The following CDYL2 variants were observed in gnomAD, a reference collection of about 807,000 sequenced individuals.
The protein encoded by CDYL2 is chromodomain Y like 2.
In CDYL2, 23 loss-of-function variants were observed where a neutral mutation model predicts 49.4. That is an observed-to-expected ratio of 0.47 (90% CI 0.34 to 0.66). The LOEUF (loss-of-function observed/expected upper bound fraction) is 0.66. Ranked by LOEUF, CDYL2 falls within the 30% of genes least tolerant of loss-of-function variation. The pLI is 0.01. For synonymous variants in CDYL2, 360 were observed against 268.8 expected (o/e 1.34, Z -3.32); for missense variants, 678 against 656.4 (o/e 1.03, Z -0.36).
chr16:80,600,229 G>C lies in CDYL2; in HGVS notation c.*4159C>G, dbSNP rs1478414404. The C allele has an allele frequency of 2.9e-5, 4 of 138,858 alleles. No individual in the cohort carries two copies. The highest frequency in any genetic ancestry group is 6.1e-5 in the Non-Finnish European group (4 of 65,818). The allele number at this position is 138,858 out of a possible 1,614,324, so 8.6% of individuals were successfully genotyped here. A position where few individuals can be genotyped will look rare whatever the true frequency, so the allele number is the denominator to read the frequency against. ...ATTAACCTGCTCTCCAACAATATAA[G>C]AGCATTATATTCTAATGAAAAAATT... On this transcript the variant is annotated 3_prime_UTR_variant, in exon 7 of 7. Transcript: ENST00000570137.
chr16:80,636,951 G>A (rs903144264), intron 2 of CDYL2, among the ~76,000 whole-genome samples: 2 of 152,176 alleles, frequency 1.3e-5, no homozygotes, highest in Non-Finnish European at 2.9e-5. Flanking sequence ...ATGAACACAT[G>A]AGCAGAACGC....
chr16:80,720,158 T>A (rs1224232955), intron 1 of CDYL2, among the ~76,000 whole-genome samples: 1 of 152,010 alleles, frequency 6.6e-6, no homozygotes, highest in African/African-American at 2.4e-5. Flanking sequence ...AACTACACAA[T>A]ATCCACACAG....
chr16:80,639,338 C>T (rs1021025737), intron 2 of CDYL2, among the ~76,000 whole-genome samples: 1 of 152,166 alleles, frequency 6.6e-6, no homozygotes, highest in Non-Finnish European at 1.5e-5. Context: ...AACCAGCAAC[C>T]ACCATTCCTA....
At chr16:80,722,419 G>A (rs956903015) in intron 1 of CDYL2, among the ~76,000 whole-genome samples, 4 of 152,122 alleles carry the variant, frequency 2.6e-5, no homozygotes, top group Non-Finnish European at 4.4e-5. Context: ...TGAGTCCTGA[G>A]AATTTACCCA....
chr16:80,694,962 A>T (rs936576322), intron 1 of CDYL2, among the ~76,000 whole-genome samples: 1 of 152,258 alleles, frequency 6.6e-6, no homozygotes, highest in African/African-American at 2.4e-5. Flanking sequence ...TGAGTAACAG[A>T]ACAAAATTAA....
chr16:80,631,091 G>C (rs1431937954), intron 3 of CDYL2, among the ~76,000 whole-genome samples: 2 of 152,202 alleles, frequency 1.3e-5, no homozygotes, highest in Non-Finnish European at 2.9e-5. Flanking sequence ...ATGAACAGAA[G>C]AGACAAAAGG....
At chr16:80,677,380 T>C (rs760839158) in intron 2 of CDYL2, among the ~76,000 whole-genome samples, 2 of 152,176 alleles carry the variant, frequency 1.3e-5, no homozygotes, top group Non-Finnish European at 2.9e-5. Flanking sequence ...GGTTTTCAGA[T>C]TGAGTGGCAT....
At chr16:80,707,816 G>A (rs145118024) in intron 1 of CDYL2, among the ~76,000 whole-genome samples, 1 of 152,176 alleles carries the variant, frequency 6.6e-6, no homozygotes, top group South Asian at 2.1e-4. Flanking sequence ...TCAAGGGTTG[G>A]TGCTTCAAGT....
At chr16:80,619,529 G>A (rs993492223) in intron 4 of CDYL2, among the ~76,000 whole-genome samples, 1 of 152,188 alleles carries the variant, frequency 6.6e-6, no homozygotes, top group Admixed American at 6.5e-5. Context: ...TTCTCTGGAT[G>A]GGCTCTGGTG....
chr16:80,605,542 T>C (rs1906294045), intron 6 of CDYL2, among the ~76,000 whole-genome samples: 1 of 150,106 alleles, frequency 6.7e-6, no homozygotes, highest in Admixed American at 6.7e-5. Context: ...ATAGCAATAA[T>C]AATCACAGCA....
At chr16:80,722,426 C>T (rs1035909524) in intron 1 of CDYL2, among the ~76,000 whole-genome samples, 1 of 152,146 alleles carries the variant, frequency 6.6e-6, no homozygotes, top group Non-Finnish European at 1.5e-5. Flanking sequence ...TGAGAATTTA[C>T]CCAGGAACTC....
At chr16:80,747,034 T>C (rs913748982) in intron 1 of CDYL2, among the ~76,000 whole-genome samples, 16 of 152,292 alleles carry the variant, frequency 1.1e-4, no homozygotes, top group Admixed American at 3.3e-4. Flanking sequence ...CCCTGTTGTG[T>C]CCCCAGAGCT....
intron 1 of CDYL2, among the ~76,000 whole-genome samples, chr16:80,770,256 G>A (rs557229572): frequency 6.6e-6 from 1 of 152,208 alleles, no homozygotes; most frequent in Admixed American, 6.5e-5. Flanking sequence ...AAAAGATTAG[G>A]TACCAAGTTA....
At chr16:80,722,445 C>A (rs760019089) in intron 1 of CDYL2, among the ~76,000 whole-genome samples, 1 of 152,230 alleles carries the variant, frequency 6.6e-6, no homozygotes, top group Non-Finnish European at 1.5e-5. Context: ...TCACCCTGAT[C>A]TCCCAAACAC....
Position 80,604,125 on chromosome 16 carries a change from T to C in CDYL2, c.*263A>G. The C allele has an allele frequency of 2.0e-6, 1 of 501,708 alleles. No homozygotes were observed. Among genetic ancestry groups the C allele is most frequent in the Non-Finnish European group, 3.6e-6 (1 of 277,920 alleles). 31.1% of individuals were successfully genotyped at this position (501,708 alleles called of 1,614,324 possible). On this transcript the variant is annotated 3_prime_UTR_variant, in exon 7 of 7. Transcript: ENST00000570137. Reference sequence around the variant, plus strand: ...CAAGTGGGGAAAGGACAGCGGTGCTTGGCGGAGCCCTGGGAAGATACAGCC... The same window carrying C: ...CAAGTGGGGAAAGGACAGCGGTGCTCGGCGGAGCCCTGGGAAGATACAGCC...
intron 1 of CDYL2, among the ~76,000 whole-genome samples, chr16:80,770,902 C>T (rs923941906): frequency 1.3e-5 from 2 of 152,100 alleles, no homozygotes; most frequent in Non-Finnish European, 2.9e-5. Context: ...AAACAGAAAG[C>T]CAGGAAATGA....
chr16:80,778,435 T>C (rs1412180023), intron 1 of CDYL2, among the ~76,000 whole-genome samples: 1 of 151,782 alleles, frequency 6.6e-6, no homozygotes. Context: ...ATGATATAAT[T>C]TAAGCATGAT....
intron 1 of CDYL2, among the ~76,000 whole-genome samples, chr16:80,695,284 A>G (rs1910575547): frequency 6.6e-6 from 1 of 152,262 alleles, no homozygotes; most frequent in Admixed American, 6.5e-5. Flanking sequence ...AAAGTTTGCC[A>G]ACACTTATCA....
chr16:80,762,932 G>A lies in CDYL2; in HGVS notation c.24+41218C>T, dbSNP rs115812659. ...CAGTACTGCTGGCCATGAGTTCAATGTTAATGATCCACAATATATATTTAA... is the reference window on the plus strand; with the variant it reads ...CAGTACTGCTGGCCATGAGTTCAATATTAATGATCCACAATATATATTTAA... On this transcript the variant is annotated intron_variant, in intron 1 of 6. Transcript: ENST00000570137. Among the ~76,000 whole-genome samples, 1,041 of 152,288 alleles carry A rather than the reference G, an allele frequency of 6.8e-3. 6 individuals are homozygous for A. Among genetic ancestry groups the A allele is most frequent in the African/African-American group, 0.024 (992 of 41,558 alleles).
Sources: gnomAD v4.1 joint callset for allele counts (sites outside exome capture counted in the v4.1 genomes callset) on GRCh38, gnomAD v4.1.1 for gene constraint, MANE v1.5 for transcripts, NCBI Gene and HGNC (gene_info 2026-07-23, HGNC 2026-07-21) for gene names.